Variants in FGF12 observed in about 807,000 individuals in gnomAD.
The protein encoded by FGF12 is fibroblast growth factor 12B.
FGF12 carries 14 observed loss-of-function variants against 23.6 expected under a neutral mutation model. The ratio of observed to expected loss-of-function variants is 0.59; its 90% CI spans 0.39 to 0.93. The LOEUF (loss-of-function observed/expected upper bound fraction) is 0.93, where lower values mean the gene tolerates loss of function less well. FGF12 is among the 40% of genes least tolerant of loss of function. FGF12 has a pLI of 0.00. For missense variants in FGF12, 175 were observed against 217.8 expected, an observed-to-expected ratio of 0.80 and a Z score of 1.24; for synonymous variants, 62 against 77.3, an observed-to-expected ratio of 0.80 and a Z score of 1.04.
At chr3:192,463,825 G>A (rs115608882) in intron 2 of FGF12, among the ~76,000 whole-genome samples, 3,957 of 152,148 alleles carry the variant, frequency 0.026, 78 homozygotes, top group Middle Eastern at 0.061. Context: ...CTTTTTTTAG[G>A]TTAGTTTCTG....
chr3:192,369,813 T>C (rs528637875), intron 2 of FGF12, among the ~76,000 whole-genome samples: 23 of 152,212 alleles, frequency 1.5e-4, no homozygotes, highest in South Asian at 4.1e-4. Flanking sequence ...CATACACAAC[T>C]AATCATTATT....
chr3:192,460,680 ATT>A (rs1037413333), intron 2 of FGF12, among the ~76,000 whole-genome samples: 1 of 128,514 alleles, frequency 7.8e-6, no homozygotes, highest in Non-Finnish European at 1.6e-5. Flanking sequence ...ACACACATAT[ATT>A]TATATATATA....
At position 192,683,314 on chromosome 3, in the gene FGF12, G is replaced by A. The variant is rs143744074; in HGVS notation, c.13+43867C>T. Among the ~76,000 whole-genome samples the A allele has an allele frequency of 6.3e-3, 957 of 152,226 alleles. 2 individuals carry two copies. The highest frequency in any genetic ancestry group is 0.013 in the African/African-American group (524 of 41,532). On this transcript the variant is annotated intron_variant, in intron 2 of 5. Coordinates refer to ENST00000445105, the MANE Select transcript of FGF12 (RefSeq NM_004113.6). ...TGTCAGATTTGACTTGCAGCATTAC[G>A]TACAATATACCTACTAGACAATAAT...
At chr3:192,158,939 C>T (rs1714710583) in intron 5 of FGF12, among the ~76,000 whole-genome samples, 1 of 151,818 alleles carries the variant, frequency 6.6e-6, no homozygotes, top group African/African-American at 2.4e-5. Context: ...CAGTCCCAGC[C>T]CTTCTACTCA....
At chr3:192,293,463 T>C (rs867685825) in intron 4 of FGF12, among the ~76,000 whole-genome samples, 6 of 152,216 alleles carry the variant, frequency 3.9e-5, no homozygotes, top group Admixed American at 3.9e-4. Flanking sequence ...CATCCTCATG[T>C]CCTCAAGGCT....
At chr3:192,527,107 A>G (rs997889773) in intron 2 of FGF12, among the ~76,000 whole-genome samples, 3 of 152,116 alleles carry the variant, frequency 2.0e-5, no homozygotes, top group African/African-American at 7.2e-5. Flanking sequence ...GGATTAGATA[A>G]CATCATCAGA....
At chr3:192,211,492 C>T (rs554105107) in intron 4 of FGF12, among the ~76,000 whole-genome samples, 19,653 of 152,092 alleles carry the variant, frequency 0.13, 1,413 homozygotes, top group African/African-American at 0.2. Context: ...GCGGCGCAAT[C>T]TCGGCTCACT....
intron 3 of FGF12, among the ~76,000 whole-genome samples, chr3:192,356,340 G>C (rs944594672): frequency 6.6e-6 from 1 of 152,136 alleles, no homozygotes; most frequent in African/African-American, 2.4e-5. Flanking sequence ...ATTGTTCAGA[G>C]GTAAAGAGAA....
intron 2 of FGF12, among the ~76,000 whole-genome samples, chr3:192,530,148 T>A (rs1455229528): frequency 6.6e-6 from 1 of 152,060 alleles, no homozygotes; most frequent in Non-Finnish European, 1.5e-5. Context: ...TAATTTGACA[T>A]CTACATTCTC....
intron 2 of FGF12, among the ~76,000 whole-genome samples, chr3:192,553,709 CA>C (rs1188155480): frequency 6.6e-6 from 1 of 152,144 alleles, no homozygotes; most frequent in African/African-American, 2.4e-5. Context: ...ACCCCCGGCT[CA>C]GAGTTGTACA....
chr3:192,666,914 A>AGGT (rs1560187701), intron 2 of FGF12, among the ~76,000 whole-genome samples: 110 of 129,880 alleles, frequency 8.5e-4, no homozygotes, highest in African/African-American at 3.3e-3. Flanking sequence ...TTGGATAGAT[A>AGGT]GATGATAGAT....
At position 192,141,688 on chromosome 3, in the gene FGF12, A is replaced by C. The variant is rs1228738316; in HGVS notation, c.*2321T>G. ...AATTTTGTTAGTGATTCATATCTCT[A>C]TTTTTTTCATAACAAACTTAATTAA... On this transcript the variant is annotated 3_prime_UTR_variant, in exon 6 of 6. Transcript: ENST00000445105. The C allele has an allele frequency of 6.6e-6, 1 of 151,950 alleles. No homozygotes were observed. The highest frequency in any genetic ancestry group is 1.5e-5 in the Non-Finnish European group (1 of 67,884). The allele number at this position is 151,950 out of a possible 1,614,324, so 9.4% of individuals were successfully genotyped here. A position where few individuals can be genotyped will look rare whatever the true frequency, so the allele number is the denominator to read the frequency against.
Position 192,408,681 on chromosome 3 carries a change from C to G in FGF12, c.14-48143G>C. The G allele has an allele frequency of 2.0e-6, 2 of 994,166 alleles. No homozygotes were observed. The highest frequency in any genetic ancestry group is 1.2e-6 in the Non-Finnish European group (1 of 835,962). 61.6% of individuals were successfully genotyped at this position (994,166 alleles called of 1,614,324 possible). ...GGTGTCCAAAGTATACCTACACATA[C>G]ATACATAGAAAACCCGTTTACAAAG... is the stretch of plus-strand genomic sequence containing the variant. On this transcript the variant is annotated intron_variant, in intron 2 of 5. Transcript: ENST00000445105. The surrounding 1 kb of genome is among the most constrained non-coding windows in gnomAD (Gnocchi z 7.3).
chr3:192,557,960 A>G (rs148183455), intron 2 of FGF12, among the ~76,000 whole-genome samples: 2 of 152,092 alleles, frequency 1.3e-5, no homozygotes, highest in African/African-American at 4.8e-5. Context: ...AACAGATAAC[A>G]TAATATTCAA....
intron 4 of FGF12, among the ~76,000 whole-genome samples, chr3:192,288,354 C>T (rs1333937044): frequency 4.6e-5 from 7 of 152,036 alleles, no homozygotes; most frequent in African/African-American, 1.4e-4. Flanking sequence ...ATTACATAAA[C>T]CATCTAGGTA....
intron 4 of FGF12, among the ~76,000 whole-genome samples, chr3:192,314,834 T>C (rs1322081913): frequency 6.6e-6 from 1 of 152,156 alleles, no homozygotes; most frequent in Non-Finnish European, 1.5e-5. Flanking sequence ...ACCCACTGAG[T>C]TACATGTAGA....
At chr3:192,455,963 G>A (rs1249879278) in intron 2 of FGF12, among the ~76,000 whole-genome samples, 1 of 152,164 alleles carries the variant, frequency 6.6e-6, no homozygotes, top group African/African-American at 2.4e-5. Context: ...GTTAATAAGT[G>A]GGGCCTTGCA....
chr3:192,216,494 T>C (rs1718200006), intron 4 of FGF12, among the ~76,000 whole-genome samples: 1 of 152,214 alleles, frequency 6.6e-6, no homozygotes, highest in African/African-American at 2.4e-5. Context: ...ATCATAAAAT[T>C]TGTATGTGCT....
At chr3:192,226,129 T>G (rs150953966) in intron 4 of FGF12, among the ~76,000 whole-genome samples, 15 of 152,302 alleles carry the variant, frequency 9.8e-5, no homozygotes, top group African/African-American at 3.6e-4. Context: ...TTTCCTGACT[T>G]GGTATATGAG....
Sources: allele counts gnomAD v4.1 joint callset (sites outside exome capture counted in the v4.1 genomes callset), GRCh38; gene constraint gnomAD v4.1.1; non-coding constraint Gnocchi (gnomAD v3.1); transcripts MANE v1.5; gene names NCBI Gene and HGNC (gene_info 2026-07-23, HGNC 2026-07-21).